The following ADAMTS3 variants were observed in gnomAD, a reference collection of about 807,000 sequenced individuals.
The protein encoded by ADAMTS3 is A disintegrin and metalloproteinase with thrombospondin motifs 3.
In ADAMTS3, 73 loss-of-function variants were observed where a neutral mutation model predicts 129.0. The ratio of observed to expected loss-of-function variants is 0.57; its 90% CI spans 0.47 to 0.69. The LOEUF (loss-of-function observed/expected upper bound fraction) is 0.69, where lower values mean the gene tolerates loss of function less well. Ranked by LOEUF, ADAMTS3 falls within the 30% of genes least tolerant of loss-of-function variation. ADAMTS3 has a pLI of 0.00. For missense variants in ADAMTS3, 1,457 were observed against 1,514.5 expected, an observed-to-expected ratio of 0.96 and a Z score of 0.63; for synonymous variants, 477 against 510.8, an observed-to-expected ratio of 0.93 and a Z score of 0.89.
intron 4 of ADAMTS3, among the ~76,000 whole-genome samples, chr4:72,404,584 T>C (rs1379418363): frequency 6.6e-6 from 1 of 151,876 alleles, no homozygotes; most frequent in African/African-American, 2.4e-5. Flanking sequence ...TTCGTGATAT[T>C]GATCTTCACA....
intron 3 of ADAMTS3, among the ~76,000 whole-genome samples, chr4:72,542,445 T>C (rs1388378468): frequency 1.3e-5 from 2 of 152,242 alleles, no homozygotes; most frequent in African/African-American, 4.8e-5. Context: ...ATTACAGGCA[T>C]GAGCCACTGC....
At chr4:72,354,298 G>C (rs1242753448) in intron 4 of ADAMTS3, among the ~76,000 whole-genome samples, 3 of 151,972 alleles carry the variant, frequency 2.0e-5, no homozygotes, top group Non-Finnish European at 2.9e-5. Flanking sequence ...GCTTCAGTCA[G>C]TATAGCTGCT....
At chr4:72,407,722 A>T (rs1357266687) in intron 4 of ADAMTS3, among the ~76,000 whole-genome samples, 1 of 152,170 alleles carries the variant, frequency 6.6e-6, no homozygotes, top group Non-Finnish European at 1.5e-5. Context: ...AAAATATCTC[A>T]GGTCAAAAGC....
rs1430427098 is a variant in ADAMTS3 at position 72,320,826 on chromosome 4, C to A, written c.990G>T (p.Glu330Asp). 6.2e-7 allele frequency: 1 copy of A among 1,613,990 alleles called. No homozygotes were observed. Among genetic ancestry groups the A allele is most frequent in the East Asian group, 2.2e-5 (1 of 44,836 alleles). The stretch of plus-strand genomic sequence containing the variant: ...GTTGGGACGCCCAGCGACACACATT[C>A]TCCAAGCTTCTGGATGGGTTTCCCC... ...IERGNPSRSL[E>D]NVCRWASQQQ... The change falls in exon 7 of 22, where the codon GAG becomes GAT. Residue 330 changes from glutamate to aspartate, a missense_variant. Coordinates refer to ENST00000286657, the MANE Select transcript of ADAMTS3 (RefSeq NM_014243.3).
In ADAMTS3 at chr4:72,548,584, G is replaced by A. The variant is rs183558490; in HGVS notation, c.398C>T (p.Thr133Met). The A allele has an allele frequency of 2.0e-5, 33 of 1,613,984 alleles. No homozygotes were observed. In the East Asian group the frequency reaches 5.6e-4, roughly 27 times the overall value. ...PINNHQPGSA[T>M]YRIRRTEPLQ... is the part of the protein sequence containing the mutation. Reference sequence around the variant, plus strand: ...AGGCTCTGTTCTCCGGATTCTATACGTAGCACTTCCTGGTTGATGGTTGTT... The same window carrying A: ...AGGCTCTGTTCTCCGGATTCTATACATAGCACTTCCTGGTTGATGGTTGTT... Residue 133 changes from threonine (T) to methionine (M), a missense_variant, in exon 3 of 22, where the codon ACG (threonine) becomes ATG (methionine). By Grantham distance (81) the Thr-to-Met change is moderately conservative. Transcript: ENST00000286657.
At chr4:72,425,415 T>C (rs1722546288) in intron 3 of ADAMTS3, among the ~76,000 whole-genome samples, 1 of 152,142 alleles carries the variant, frequency 6.6e-6, no homozygotes. Flanking sequence ...ACATGTGCCA[T>C]GTTGGTGTGC....
intron 3 of ADAMTS3, among the ~76,000 whole-genome samples, chr4:72,416,869 A>G (rs149693403): frequency 2.8e-4 from 43 of 152,344 alleles, no homozygotes; most frequent in African/African-American, 9.1e-4. Context: ...TCCATAAAAT[A>G]CATCCAAACT....
chr4:72,540,584 C>T (rs2109777296), intron 3 of ADAMTS3, among the ~76,000 whole-genome samples: 1 of 152,284 alleles, frequency 6.6e-6, no homozygotes, highest in East Asian at 1.9e-4. Flanking sequence ...TCACAGCAGC[C>T]CCTACCATCA....
At chr4:72,507,691 A>G (rs1720199054) in intron 3 of ADAMTS3, among the ~76,000 whole-genome samples, 1 of 152,192 alleles carries the variant, frequency 6.6e-6, no homozygotes, top group Non-Finnish European at 1.5e-5. Flanking sequence ...ACTGTTTCTC[A>G]ATGAGCATTT....
chr4:72,292,442 G>A (rs559265657), intron 19 of ADAMTS3, among the ~76,000 whole-genome samples: 1 of 152,354 alleles, frequency 6.6e-6, no homozygotes, highest in Non-Finnish European at 1.5e-5. Context: ...CCTGACAAGA[G>A]GTAAGGGTGG....
chr4:72,371,117 C>T (rs2109866978), intron 4 of ADAMTS3, among the ~76,000 whole-genome samples: 1 of 152,132 alleles, frequency 6.6e-6, no homozygotes, highest in Admixed American at 6.5e-5. Flanking sequence ...GGGGAGACAT[C>T]AGCAGATATT....
At position 72,484,717 on chromosome 4, in the gene ADAMTS3, G is replaced by A. The variant is rs1349426475; in HGVS notation, c.504+63761C>T. 2.0e-5 allele frequency among the ~76,000 whole-genome samples: 3 copies of A among 152,210 alleles called. No individual in the cohort carries two copies. In the East Asian group the frequency reaches 5.8e-4, roughly 29 times the overall value. The stretch of plus-strand genomic sequence containing the variant: ...TGAGGATAGGCAGCATGGCGGAAGT[G>A]TGCAGAGTGGTGGTGAGGGTGGCTG... On this transcript the variant is annotated intron_variant, in intron 3 of 21. Transcript: ENST00000286657.
At chr4:72,302,443 C>A (rs892846189) in intron 17 of ADAMTS3, among the ~76,000 whole-genome samples, 1 of 151,770 alleles carries the variant, frequency 6.6e-6, no homozygotes, top group African/African-American at 2.4e-5. Context: ...AGGAATAATC[C>A]GATCTGAAAA....
intron 3 of ADAMTS3, among the ~76,000 whole-genome samples, chr4:72,512,684 C>A (rs1432094065): frequency 6.6e-6 from 1 of 152,118 alleles, no homozygotes; most frequent in Non-Finnish European, 1.5e-5. Context: ...TTTCACCTTG[C>A]ATGCCTGTAT....
intron 18 of ADAMTS3, among the ~76,000 whole-genome samples, chr4:72,296,076 T>C (rs916136067): frequency 1.2e-4 from 18 of 149,266 alleles, no homozygotes; most frequent in Non-Finnish European, 7.4e-5. Context: ...AAAACCACTG[T>C]GACAATACTT....
chr4:72,494,195 G>C (rs1475545372), intron 3 of ADAMTS3, among the ~76,000 whole-genome samples: 1 of 151,930 alleles, frequency 6.6e-6, no homozygotes, highest in East Asian at 1.9e-4. Flanking sequence ...TCTCCTTCTT[G>C]AACTCTCAAA....
chr4:72,539,101 T>C (rs1721253056), intron 3 of ADAMTS3, among the ~76,000 whole-genome samples: 1 of 151,932 alleles, frequency 6.6e-6, no homozygotes, highest in Admixed American at 6.6e-5. Context: ...CTTCACAACA[T>C]TGAATTTTGC....
intron 3 of ADAMTS3, among the ~76,000 whole-genome samples, chr4:72,461,582 G>A (rs1011080514): frequency 6.6e-6 from 1 of 151,700 alleles, no homozygotes; most frequent in Non-Finnish European, 1.5e-5. Flanking sequence ...TAAAGCAGAG[G>A]GCATGGCAGT....
chr4:72,488,409 A>C (rs1242104663), intron 3 of ADAMTS3, among the ~76,000 whole-genome samples: 2 of 152,018 alleles, frequency 1.3e-5, no homozygotes, highest in Admixed American at 1.3e-4. Flanking sequence ...TACTAGTCAG[A>C]TAGCTTACTC....
Sources: gnomAD v4.1 joint callset for allele counts (sites outside exome capture counted in the v4.1 genomes callset) on GRCh38, gnomAD v4.1.1 for gene constraint, MANE v1.5 for transcripts, NCBI Gene and HGNC (gene_info 2026-07-23, HGNC 2026-07-21) for gene names.